AKAP19: variants seen among roughly 807,000 people sequenced by gnomAD.
AKAP19 encodes A-kinase anchoring protein 19.
At chr2:190,013,893 A>G in the AKAP19 span, among the ~76,000 whole-genome samples, 2 of 151,990 alleles carry the variant, frequency 1.3e-5, no homozygotes, top group Non-Finnish European at 2.9e-5. Flanking sequence ...TCTTGGTTTT[A>G]TTGATTTTTT....
At chr2:189,956,195 A>G in the AKAP19 span, among the ~76,000 whole-genome samples, 1 of 6,762 alleles carries the variant, frequency 1.5e-4, no homozygotes, top group Non-Finnish European at 3.2e-4. Flanking sequence ...TTTGAGACGG[A>G]GTCTCGCTCT....
chr2:189,898,039 T>A, the AKAP19 span, among the ~76,000 whole-genome samples: 1 of 151,898 alleles, frequency 6.6e-6, no homozygotes, highest in Non-Finnish European at 1.5e-5. Flanking sequence ...GAAAACCCCA[T>A]CTCTACAAAA....
At chr2:189,974,088 A>G in the AKAP19 span, among the ~76,000 whole-genome samples, 47 of 151,896 alleles carry the variant, frequency 3.1e-4, no homozygotes, top group Middle Eastern at 3.4e-3. Context: ...TCAATTTTAG[A>G]TCTTTCCTGC....
the AKAP19 span, among the ~76,000 whole-genome samples, chr2:190,075,192 A>T: frequency 1.3e-5 from 2 of 152,176 alleles, no homozygotes. Flanking sequence ...AAATATTCAG[A>T]TATTTTCCAG....
the AKAP19 span, among the ~76,000 whole-genome samples, chr2:189,903,133 G>A: frequency 2.4e-4 from 36 of 151,660 alleles, no homozygotes; most frequent in African/African-American, 8.7e-4. Flanking sequence ...TAAAAGATGG[G>A]CAAGATAGCT....
chr2:189,976,572 G>T, the AKAP19 span, among the ~76,000 whole-genome samples: 2 of 152,246 alleles, frequency 1.3e-5, no homozygotes, highest in African/African-American at 4.8e-5. Context: ...CCTGCCCCCT[G>T]AGGTGGAGTC....
chr2:190,063,794 T>C, the AKAP19 span, among the ~76,000 whole-genome samples: 3 of 152,098 alleles, frequency 2.0e-5, no homozygotes, highest in Non-Finnish European at 2.9e-5. Flanking sequence ...GAGCAGAGAA[T>C]AGAGCTTTTT....
chr2:189,968,580 C>T, the AKAP19 span, among the ~76,000 whole-genome samples: 19 of 152,172 alleles, frequency 1.2e-4, no homozygotes, highest in East Asian at 3.5e-3. Flanking sequence ...ACTTAAGCAA[C>T]AAAGATTGTC....
chr2:190,089,038 G>A, the AKAP19 span, among the ~76,000 whole-genome samples: 2 of 152,124 alleles, frequency 1.3e-5, no homozygotes, highest in African/African-American at 4.8e-5. Context: ...GCTCCAGCAG[G>A]GGTCACTATA....
chr2:189,945,864 T>C, the AKAP19 span, among the ~76,000 whole-genome samples: 7 of 152,210 alleles, frequency 4.6e-5, no homozygotes. Context: ...TAGTCATTGC[T>C]CTACATATAT....
At chr2:190,181,906 T>A in the AKAP19 span, among the ~76,000 whole-genome samples, 1 of 152,232 alleles carries the variant, frequency 6.6e-6, no homozygotes, top group Non-Finnish European at 1.5e-5. Flanking sequence ...CTAACATGGC[T>A]ATCATAAATA....
At chr2:189,999,208 T>C in the AKAP19 span, among the ~76,000 whole-genome samples, 1 of 152,208 alleles carries the variant, frequency 6.6e-6, no homozygotes, top group Admixed American at 6.5e-5. Context: ...TTTATCAATG[T>C]ATGTGTTTAA....
the AKAP19 span, among the ~76,000 whole-genome samples, chr2:190,148,966 T>C: frequency 0.83 from 112,978 of 135,828 alleles, 47,064 homozygotes; most frequent in South Asian, 0.92. Context: ...TTTTTTTTTT[T>C]TTTTTTTTTT....
the AKAP19 span, among the ~76,000 whole-genome samples, chr2:190,195,941 C>CTTTTTTTTTTTTT: frequency 2.3e-5 from 2 of 86,196 alleles, no homozygotes; most frequent in African/African-American, 4.1e-5. Context: ...CTGTGTCCAG[C>CTTTTTTTTTTTTT]TTTTTTTTTT....
At chr2:190,088,165 A>C in the AKAP19 span, among the ~76,000 whole-genome samples, 1 of 152,198 alleles carries the variant, frequency 6.6e-6, no homozygotes, top group African/African-American at 2.4e-5. Flanking sequence ...ACCTAAGAAT[A>C]TGATCAGGGA....
At chr2:190,157,351 A>T in the AKAP19 span, among the ~76,000 whole-genome samples, 1 of 68,354 alleles carries the variant, frequency 1.5e-5, no homozygotes, top group African/African-American at 5.0e-5. Context: ...AAAACAAATG[A>T]CTCCCTAAAC....
the AKAP19 span, among the ~76,000 whole-genome samples, chr2:190,102,706 C>G: frequency 6.6e-6 from 1 of 151,898 alleles, no homozygotes; most frequent in African/African-American, 2.4e-5. Flanking sequence ...AAAAAAAGAC[C>G]TACCAACCGA....
At chr2:189,993,339 A>G in the AKAP19 span, among the ~76,000 whole-genome samples, 2 of 152,208 alleles carry the variant, frequency 1.3e-5, no homozygotes, top group African/African-American at 4.8e-5. Context: ...ATGTTAAACT[A>G]TCCCTCCATC....
the AKAP19 span, among the ~76,000 whole-genome samples, chr2:189,969,869 C>CTTTTTTTT: frequency 9.1e-5 from 10 of 109,944 alleles, no homozygotes; most frequent in African/African-American, 2.2e-4. Context: ...TCTTCTTCTT[C>CTTTTTTTT]TTTTTTTTTT....
Sources: gnomAD v4.1 joint callset for allele counts (sites outside exome capture counted in the v4.1 genomes callset) on GRCh38, gnomAD v4.1.1 for gene constraint, MANE v1.5 for transcripts, NCBI Gene and HGNC (gene_info 2026-07-23, HGNC 2026-07-21) for gene names.